The following ADCY3 variants were observed in gnomAD, a reference collection of about 807,000 sequenced individuals.
ADCY3 encodes the protein adenylate cyclase type 3.
Under a neutral mutation model 119.4 loss-of-function variants are expected in ADCY3, and 70 were observed. The observed-to-expected ratio is 0.59, with a 90% CI of 0.48 to 0.72. ADCY3 has a LOEUF of 0.72. Ranked by LOEUF, ADCY3 falls within the 30% of genes least tolerant of loss-of-function variation. The pLI, the probability that ADCY3 is intolerant of heterozygous loss-of-function variation, is 0.00. For missense variants in ADCY3, 1,238 were observed against 1,541.6 expected (o/e 0.80, Z 3.30); for synonymous variants, 672 against 621.4 (o/e 1.08, Z -1.21).
chr2:24,854,687 G>A (rs963565335), intron 3 of ADCY3, among the ~76,000 whole-genome samples: 1 of 152,126 alleles, frequency 6.6e-6, no homozygotes, highest in Non-Finnish European at 1.5e-5. Context: ...GAATGGGAGA[G>A]ACACAATGTA....
chr2:24,896,255 TG>T (rs1678261396), intron 2 of ADCY3, among the ~76,000 whole-genome samples: 1 of 151,998 alleles, frequency 6.6e-6, no homozygotes, highest in Non-Finnish European at 1.5e-5. Context: ...CATGGTGGCA[TG>T]CACCTGTAAT....
In ADCY3 at chr2:24,834,176, A is replaced by C. The variant is rs1214091969; in HGVS notation, c.1967+309T>G. Among the ~76,000 whole-genome samples, 5 of 152,334 alleles carry C rather than the reference A, an allele frequency of 3.3e-5. No homozygotes were observed. Among genetic ancestry groups the C allele is most frequent in the African/African-American group, 1.2e-4 (5 of 41,588 alleles). The stretch of plus-strand genomic sequence containing the variant: ...CAGTGTCCCCATCTTTGTCCCAAGA[A>C]TCAGTGTGGGCCCATCTAGCCAAGG... On this transcript the variant is annotated intron_variant, in intron 11 of 21. Transcript: ENST00000679454. This position sits in a 1 kb window ranked among gnomAD's most constrained non-coding sequence, Gnocchi z 4.2.
At chr2:24,887,201 A>G (rs1263293875) in intron 2 of ADCY3, among the ~76,000 whole-genome samples, 5 of 152,170 alleles carry the variant, frequency 3.3e-5, no homozygotes, top group Non-Finnish European at 7.4e-5. Context: ...AAAGGGGAAG[A>G]GCCCTTTATA....
intron 21 of ADCY3, 72 bp downstream of exon 21, chr2:24,820,652 G>T: frequency 6.3e-7 from 1 of 1,592,210 alleles, no homozygotes; most frequent in Admixed American, 1.7e-5. Context: ...GCAGGGGCAC[G>T]TGGGAAAGCA....
chr2:24,870,157 TAA>T (rs35100474), intron 3 of ADCY3, among the ~76,000 whole-genome samples: 2 of 140,956 alleles, frequency 1.4e-5, no homozygotes. Flanking sequence ...ACTAAAAATA[TAA>T]AAAAAAAAAA....
rs1475543364 is a variant in ADCY3 at position 24,872,228 on chromosome 2, G to T, written c.825+342C>A. ...GACCTTGGTCCCGAGAAGGTCATCT[G>T]AGAAAGGAATGCAGGAAGTCATAGC... On this transcript the variant is annotated intron_variant, in intron 3 of 21. Coordinates refer to ENST00000679454, the MANE Select transcript of ADCY3 (RefSeq NM_004036.5). The surrounding 1 kb of genome is among the most constrained non-coding windows in gnomAD (Gnocchi z 4.4). Among the ~76,000 whole-genome samples, 2 of 152,352 alleles carry T rather than the reference G, an allele frequency of 1.3e-5. No individual in the cohort carries two copies. The highest frequency in any genetic ancestry group is 4.8e-5 in the African/African-American group (2 of 41,592).
At chr2:24,870,458 C>G (rs1674855908) in intron 3 of ADCY3, among the ~76,000 whole-genome samples, 1 of 152,140 alleles carries the variant, frequency 6.6e-6, no homozygotes, top group Non-Finnish European at 1.5e-5. Context: ...ATTCATCCCA[C>G]TTGGAGAATT....
intron 2 of ADCY3, among the ~76,000 whole-genome samples, chr2:24,892,276 T>C (rs1677745538): frequency 6.7e-6 from 1 of 148,152 alleles, no homozygotes; most frequent in Non-Finnish European, 1.5e-5. Flanking sequence ...TGAGATGGAG[T>C]CTGGCTCTGT....
intron 3 of ADCY3, among the ~76,000 whole-genome samples, chr2:24,848,966 G>A (rs10182036): frequency 0.081 from 12,384 of 152,016 alleles, 557 homozygotes; most frequent in African/African-American, 0.094. Flanking sequence ...AGCCCCCCCC[G>A]CCACGTGTGC....
At chr2:24,879,489 G>A (rs1252033863) in intron 2 of ADCY3, among the ~76,000 whole-genome samples, 1 of 148,070 alleles carries the variant, frequency 6.8e-6, no homozygotes, top group African/African-American at 2.5e-5. Flanking sequence ...CTGAAAGACT[G>A]CACATACCTC....
Position 24,919,115 on chromosome 2 carries a change from G to C in ADCY3, c.-128C>G. The C allele has an allele frequency of 1.0e-6, 1 of 979,984 alleles. No individual in the cohort carries two copies. The highest frequency in any genetic ancestry group is 1.5e-6 in the Non-Finnish European group (1 of 682,522). 60.7% of individuals were successfully genotyped at this position (979,984 alleles called of 1,614,324 possible). On this transcript the variant is annotated 5_prime_UTR_variant, in exon 2 of 22. Transcript: ENST00000679454. This position sits in a 1 kb window ranked among gnomAD's most constrained non-coding sequence, Gnocchi z 5.5. ...TGAGGGCCTCTTCTTGTCTGGGGCG[G>C]AGGGGAGGCCACCTCCAGCAGGAAC...
At chr2:24,857,535 C>T (rs1673153601) in intron 3 of ADCY3, among the ~76,000 whole-genome samples, 1 of 152,216 alleles carries the variant, frequency 6.6e-6, no homozygotes, top group Admixed American at 6.5e-5. Flanking sequence ...GAAAGACTAA[C>T]ATTTTCTAAT....
intron 9 of ADCY3, among the ~76,000 whole-genome samples, chr2:24,835,714 T>C (rs1427443804): frequency 6.6e-6 from 1 of 152,044 alleles, no homozygotes; most frequent in Non-Finnish European, 1.5e-5. Flanking sequence ...GGTGGGTGGA[T>C]CACTTGAGGT....
chr2:24,837,657 T>C (rs765391661), intron 8 of ADCY3, among the ~76,000 whole-genome samples: 12 of 152,192 alleles, frequency 7.9e-5, no homozygotes, highest in Non-Finnish European at 1.3e-4. Context: ...GAAAGGGTTT[T>C]GACATGAGAT....
chr2:24,842,379 G>A lies in ADCY3; in HGVS notation c.831C>T (p.Asn277=), dbSNP rs201621115. 433 of 1,614,170 alleles carry A rather than the reference G, an allele frequency of 2.7e-4. 1 individual carries two copies. The highest frequency in any genetic ancestry group is 3.5e-4 in the Non-Finnish European group (414 of 1,180,024). ...NLEEQSQQQE[N]LMLSILPKHV... ...GCTTGGGCAGGATGGAAAGCATGAG[G>A]TTCTCCTGTGAGGGGCAGGAGAGGG... The change falls in exon 4 of 22, where the codon AAC becomes AAT. Residue 277 remains asparagine, a synonymous_variant. Transcript: ENST00000679454. The surrounding 1 kb of genome is among the most constrained non-coding windows in gnomAD (Gnocchi z 4.9).
chr2:24,833,560 G>T (rs373883696), intron 11 of ADCY3, among the ~76,000 whole-genome samples: 1 of 152,152 alleles, frequency 6.6e-6, no homozygotes, highest in Non-Finnish European at 1.5e-5. Context: ...ACTTACTCTC[G>T]CATGGATGCA....
chr2:24,843,206 C>T (rs928752239), intron 3 of ADCY3, among the ~76,000 whole-genome samples: 3 of 152,158 alleles, frequency 2.0e-5, no homozygotes, highest in East Asian at 1.9e-4. Context: ...GTCAGCAAAC[C>T]GTGGCCTGTG....
In ADCY3 at chr2:24,918,657, C is replaced by T; in HGVS notation, c.331G>A (p.Ala111Thr). The T allele has an allele frequency of 6.2e-7, 1 of 1,614,114 alleles. No homozygotes were observed. The highest frequency in any genetic ancestry group is 1.1e-5 in the South Asian group (1 of 91,086). ...ATGTCCAACACCAGTCCAATTCCAG[C>T]CACGGCGAGGGAAGCCAGCTTGTCG... is the stretch of plus-strand genomic sequence containing the variant. The part of the protein sequence containing the change: ...SSDKLASLAV[A>T]GIGLVLDIIL... Residue 111 changes from alanine (A) to threonine (T), a missense_variant, in exon 2 of 22, where the codon GCT (alanine) becomes ACT (threonine). Physicochemically the swap from Ala to Thr is moderately conservative, Grantham distance 58 (BLOSUM62 0). This residue lies in a region of ADCY3 where 227 missense variants were observed against 249.3 expected (regional missense o/e 0.91). Coordinates refer to ENST00000679454, the MANE Select transcript of ADCY3 (RefSeq NM_004036.5). This position sits in a 1 kb window ranked among gnomAD's most constrained non-coding sequence, Gnocchi z 5.4.
At chr2:24,869,547 A>G (rs1674711380) in intron 3 of ADCY3, among the ~76,000 whole-genome samples, 1 of 152,110 alleles carries the variant, frequency 6.6e-6, no homozygotes, top group South Asian at 2.1e-4. Context: ...CTGGGACTAC[A>G]GGCATGCACC....
Sources: gnomAD v4.1 joint callset for allele counts (sites outside exome capture counted in the v4.1 genomes callset) on GRCh38, gnomAD v4.1.1 for gene constraint, gnomAD v4.1.1 regional missense constraint, Gnocchi (gnomAD v3.1) non-coding constraint, MANE v1.5 for transcripts, NCBI Gene and HGNC (gene_info 2026-07-23, HGNC 2026-07-21) for gene names.